The following CNOT6 variants were observed in gnomAD, a reference collection of about 807,000 sequenced individuals.
CNOT6 encodes carbon catabolite repression 4 protein.
CNOT6 carries 12 observed loss-of-function variants against 61.2 expected under a neutral mutation model. The ratio of observed to expected loss-of-function variants is 0.20; its 90% CI spans 0.13 to 0.32. The LOEUF is 0.32. Among genes scored for constraint, CNOT6 ranks in the 10% least tolerant of loss-of-function variants. CNOT6 has a pLI of 1.00. For synonymous variants in CNOT6, 225 were observed against 240.6 expected, an observed-to-expected ratio of 0.94 and a Z score of 0.60; for missense variants, 405 against 663.9, an observed-to-expected ratio of 0.61 and a Z score of 4.28.
chr5:180,496,283 CT>C (rs1221146009), intron 1 of CNOT6, among the ~76,000 whole-genome samples: 1 of 152,162 alleles, frequency 6.6e-6, no homozygotes, highest in Non-Finnish European at 1.5e-5. Context: ...CTGTGATCTA[CT>C]CCAGGTGTTT....
intron 1 of CNOT6, among the ~76,000 whole-genome samples, chr5:180,506,009 A>G (rs908295396): frequency 1.3e-5 from 2 of 152,196 alleles, no homozygotes; most frequent in Non-Finnish European, 2.9e-5. Context: ...GGGGCTCATG[A>G]TCCCAGCAAC....
chr5:180,524,050 G>A (rs1470838693), intron 1 of CNOT6, among the ~76,000 whole-genome samples: 1 of 152,176 alleles, frequency 6.6e-6, no homozygotes, highest in Non-Finnish European at 1.5e-5. Flanking sequence ...AACCGAAACA[G>A]GTAGAGATTT....
At position 180,568,063 on chromosome 5, in the gene CNOT6, T is replaced by A. The variant is rs1356914645; in HGVS notation, c.1027+60T>A. 3.7e-5 allele frequency: 55 copies of A among 1,494,572 alleles called. No homozygotes were observed. The East Asian group carries it at 1.2e-3, about 32-fold the overall frequency. The allele number at this position is 1,494,572 out of a possible 1,614,324, so 92.6% of individuals were successfully genotyped here. On this transcript the variant is annotated intron_variant, in intron 9 of 11. Coordinates refer to ENST00000261951, the MANE Select transcript of CNOT6 (RefSeq NM_001370472.1). ...CTCTGACTAGACATCTTCAAAAGAA[T>A]AGAAAACAGAAATTTCATTGTGTAT...
chr5:180,505,547 ATT>A (rs386405833), intron 1 of CNOT6, among the ~76,000 whole-genome samples: 5 of 85,700 alleles, frequency 5.8e-5, no homozygotes, highest in Non-Finnish European at 6.5e-5. Flanking sequence ...GTACTAGTTA[ATT>A]TTTTTTTTTT....
chr5:180,558,486 C>T (rs1449961859), intron 4 of CNOT6, among the ~76,000 whole-genome samples: 4 of 149,992 alleles, frequency 2.7e-5, no homozygotes, highest in East Asian at 1.9e-4. Context: ...CAGGAAGGCG[C>T]GCCCTCCTTC....
intron 3 of CNOT6, 135 bp downstream of exon 3, chr5:180,550,252 C>A: frequency 1.7e-6 from 1 of 598,638 alleles, no homozygotes; most frequent in East Asian, 2.9e-5. Context: ...GAGATCGAGA[C>A]CATTCTGGCC....
rs34524755 is a variant in CNOT6 at position 180,575,849 on chromosome 5, A to C, written c.*1649A>C. ...AAAAAAAATACTCACTCTTACTAAC[A>C]ATTTTTATACAGAAAATGAGTCATT... is the stretch of plus-strand genomic sequence containing the variant. On this transcript the variant is annotated 3_prime_UTR_variant, in exon 12 of 12. Coordinates refer to ENST00000261951, the MANE Select transcript of CNOT6 (RefSeq NM_001370472.1). The C allele has an allele frequency of 0.17, 25,525 of 152,170 alleles. 2,239 individuals carry two copies. Among genetic ancestry groups the C allele is most frequent in the Non-Finnish European group, 0.19 (13,022 of 67,942 alleles). 9.4% of individuals were successfully genotyped at this position (152,170 alleles called of 1,614,324 possible). A position where few individuals can be genotyped will look rare whatever the true frequency, so the allele number is the denominator to read the frequency against.
chr5:180,527,558 C>G (rs1758157654), intron 1 of CNOT6, among the ~76,000 whole-genome samples: 1 of 152,148 alleles, frequency 6.6e-6, no homozygotes, highest in Non-Finnish European at 1.5e-5. Flanking sequence ...TCCTCTAGAT[C>G]CCTTACTTTG....
At chr5:180,541,758 A>T (rs910139239) in intron 2 of CNOT6, among the ~76,000 whole-genome samples, 12 of 143,356 alleles carry the variant, frequency 8.4e-5, no homozygotes, top group Admixed American at 7.0e-4. Flanking sequence ...GGCCAGAGAA[A>T]TTTTTTTTTT....
At chr5:180,570,087 G>A (rs375678520) in intron 10 of CNOT6, among the ~76,000 whole-genome samples, 415 of 152,256 alleles carry the variant, frequency 2.7e-3, no homozygotes, top group Non-Finnish European at 4.4e-3. Context: ...GCTGGGTGCC[G>A]TGGCTCACGC....
intron 1 of CNOT6, among the ~76,000 whole-genome samples, chr5:180,499,894 A>G (rs1431479114): frequency 6.6e-6 from 1 of 152,136 alleles, no homozygotes; most frequent in Non-Finnish European, 1.5e-5. Flanking sequence ...CTTAACCCAT[A>G]ATAAACTGAC....
At chr5:180,541,933 C>T (rs1759071272) in intron 2 of CNOT6, among the ~76,000 whole-genome samples, 1 of 151,902 alleles carries the variant, frequency 6.6e-6, no homozygotes, top group African/African-American at 2.4e-5. Context: ...TGATACACTG[C>T]AGCCTCAAAC....
chr5:180,553,656 GTTTTC>G (rs1260328788), intron 4 of CNOT6, among the ~76,000 whole-genome samples, 185 bp downstream of exon 4: 1 of 151,666 alleles, frequency 6.6e-6, no homozygotes, highest in African/African-American at 2.4e-5. Flanking sequence ...ACTAGTCTTT[GTTTTC>G]TTTTTTTTTG....
In CNOT6 at chr5:180,561,960, C is replaced by T. The variant is rs1051703398; in HGVS notation, c.386-2529C>T. On this transcript the variant is annotated intron_variant, in intron 4 of 11. Transcript: ENST00000261951. The stretch of plus-strand genomic sequence containing the variant: ...GCTGGCATGGGTAGAGATGGGACCA[C>T]GTTTTTTTCTTTAGTGTTAAGCTTG... 3.3e-5 allele frequency among the ~76,000 whole-genome samples: 5 copies of T among 152,310 alleles called. No individual in the cohort carries two copies. The Middle Eastern group carries it at 0.01, about 311-fold the overall frequency.
intron 9 of CNOT6, among the ~76,000 whole-genome samples, chr5:180,568,583 A>C (rs1261952347): frequency 2.0e-5 from 3 of 151,610 alleles, no homozygotes; most frequent in African/African-American, 4.8e-5. Flanking sequence ...TAAATAAATA[A>C]ATACATAAAA....
At position 180,559,827 on chromosome 5, in the gene CNOT6, G is replaced by A. The variant is rs920111535; in HGVS notation, c.386-4662G>A. Among the ~76,000 whole-genome samples, 4 of 151,896 alleles carry A rather than the reference G, an allele frequency of 2.6e-5. 1 individual carries two copies. The South Asian group carries it at 6.2e-4, about 24-fold the overall frequency. On this transcript the variant is annotated intron_variant, in intron 4 of 11. Transcript: ENST00000261951. ...TATAACTTACCACAGTCTATTGGGG[G>A]TTATTTTACCAGTTCAAGGGAAATA... is the stretch of plus-strand genomic sequence containing the variant.
rs1356435404 is a variant in CNOT6, at chr5:180,576,554, C to A, written c.*2354C>A. 1.3e-5 allele frequency: 2 copies of A among 152,626 alleles called. No individual in the cohort carries two copies. The highest frequency in any genetic ancestry group is 4.8e-5 in the African/African-American group (2 of 41,438). 9.5% of individuals were successfully genotyped at this position (152,626 alleles called of 1,614,324 possible). A position where few individuals can be genotyped will look rare whatever the true frequency, so the allele number is the denominator to read the frequency against. On this transcript the variant is annotated 3_prime_UTR_variant, in exon 12 of 12. Transcript: ENST00000261951. ...CTTGAAAATACTTGTTTTGCCTCTT[C>A]CAGGCATACTGCATTCTGTGGATCA... is the stretch of plus-strand genomic sequence containing the variant.
chr5:180,536,108 G>T (rs1758682567), intron 2 of CNOT6, among the ~76,000 whole-genome samples: 1 of 142,112 alleles, frequency 7.0e-6, no homozygotes, highest in Non-Finnish European at 1.5e-5. Flanking sequence ...CCATTCTCCT[G>T]CCTCAGCCTC....
intron 1 of CNOT6, among the ~76,000 whole-genome samples, chr5:180,523,430 C>G (rs780084468): frequency 4.0e-5 from 6 of 149,550 alleles, no homozygotes; most frequent in Non-Finnish European, 9.0e-5. Context: ...CAGGGGCACA[C>G]TCAAATGTTT....
Sources: gnomAD v4.1 joint callset for allele counts (sites outside exome capture counted in the v4.1 genomes callset) on GRCh38, gnomAD v4.1.1 for gene constraint, MANE v1.5 for transcripts, NCBI Gene and HGNC (gene_info 2026-07-23, HGNC 2026-07-21) for gene names.